Variants in OPCML observed in about 807,000 individuals in gnomAD.
OPCML encodes opioid-binding protein/cell adhesion molecule.
In OPCML, 13 loss-of-function variants were observed where a neutral mutation model predicts 37.8. The observed-to-expected ratio is 0.34, with a 90% CI of 0.22 to 0.55. The LOEUF (loss-of-function observed/expected upper bound fraction) is 0.55, where lower values mean the gene tolerates loss of function less well. OPCML is among the 20% of genes least tolerant of loss of function. OPCML has a pLI of 0.91. For synonymous variants in OPCML, 176 were observed against 168.8 expected (o/e 1.04, Z -0.33); for missense variants, 341 against 435.6 (o/e 0.78, Z 1.93).
intron 1 of OPCML, among the ~76,000 whole-genome samples, chr11:133,091,851 T>TTCTAAATGCATCA (rs780260421): frequency 2.2e-4 from 34 of 152,320 alleles, no homozygotes; most frequent in Non-Finnish European, 4.0e-4. Flanking sequence ...TTTGAGTTGA[T>TTCTAAATGCATCA]GCTGAAATGC....
At chr11:132,630,450 C>T (rs76868199) in intron 3 of OPCML, among the ~76,000 whole-genome samples, 2,305 of 152,178 alleles carry the variant, frequency 0.015, 55 homozygotes, top group African/African-American at 0.052. Context: ...CCCATTAAAA[C>T]TGTACTTCAA....
intron 1 of OPCML, among the ~76,000 whole-genome samples, chr11:133,207,043 T>G (rs1939097799): frequency 6.6e-6 from 1 of 150,752 alleles, no homozygotes; most frequent in Admixed American, 6.6e-5. Context: ...ATCCCAGCAC[T>G]TTGGGAGGCC....
At chr11:132,782,062 T>TAA (rs1489731835) in intron 2 of OPCML, among the ~76,000 whole-genome samples, 1 of 151,000 alleles carries the variant, frequency 6.6e-6, no homozygotes, top group African/African-American at 2.4e-5. Context: ...CTGCAGCCCC[T>TAA]CTCTTCCACT....
intron 1 of OPCML, among the ~76,000 whole-genome samples, chr11:133,083,390 C>G (rs1268862316): frequency 6.6e-6 from 1 of 152,172 alleles, no homozygotes; most frequent in Non-Finnish European, 1.5e-5. Flanking sequence ...TACTGGTGCC[C>G]CTGTCTCGGG....
intron 1 of OPCML, among the ~76,000 whole-genome samples, chr11:132,975,529 C>CAAAAAAAAAAAAAAAAAAAAAA (rs56882175): frequency 4.7e-5 from 2 of 42,766 alleles, no homozygotes; most frequent in Non-Finnish European, 8.5e-5. Flanking sequence ...AGGTTTCAAG[C>CAAAAAAAAAAAAAAAAAAAAAA]AAAAAAAAAA....
chr11:132,791,344 T>A (rs1350676816), intron 2 of OPCML, among the ~76,000 whole-genome samples: 1 of 152,192 alleles, frequency 6.6e-6, no homozygotes, highest in Non-Finnish European at 1.5e-5. Context: ...CCTAATGTTA[T>A]GAAAACAAAG....
intron 1 of OPCML, among the ~76,000 whole-genome samples, chr11:133,468,898 A>T (rs1947036374): frequency 1.2e-5 from 1 of 80,764 alleles, no homozygotes; most frequent in African/African-American, 1.0e-4. Context: ...TATGGAAAAA[A>T]ACAATTATTG....
intron 1 of OPCML, among the ~76,000 whole-genome samples, chr11:132,951,033 G>C (rs1945847852): frequency 6.6e-6 from 1 of 152,170 alleles, no homozygotes; most frequent in African/African-American, 2.4e-5. Flanking sequence ...CTGCGCTCTA[G>C]AGTGCAGCAG....
chr11:132,759,764 AT>A (rs1419070869), intron 2 of OPCML, among the ~76,000 whole-genome samples: 2 of 152,014 alleles, frequency 1.3e-5, no homozygotes, highest in Non-Finnish European at 2.9e-5. Context: ...GGATTCATTG[AT>A]TTTTTGAAGG....
At position 133,185,673 on chromosome 11, in the gene OPCML, G is replaced by A. The variant is rs1340910978; in HGVS notation, c.62-242663C>T. 2.0e-5 allele frequency among the ~76,000 whole-genome samples: 3 copies of A among 152,186 alleles called. No homozygotes were observed. In the East Asian group the frequency reaches 5.8e-4, roughly 29 times the overall value. On this transcript the variant is annotated intron_variant, in intron 1 of 7. Coordinates refer to ENST00000524381, the MANE Select transcript of OPCML (RefSeq NM_001012393.5). ...GAAAAATGGCATATTTTGGTTCTAAGGCTCCCATAGATATTTTATTTGAGA... is the reference window on the plus strand; with the variant it reads ...GAAAAATGGCATATTTTGGTTCTAAAGCTCCCATAGATATTTTATTTGAGA...
chr11:132,912,053 G>A (rs1423020000), intron 2 of OPCML, among the ~76,000 whole-genome samples: 1 of 152,028 alleles, frequency 6.6e-6, no homozygotes, highest in Non-Finnish European at 1.5e-5. Flanking sequence ...TAAGCTCTGG[G>A]ACCATTAGAA....
At position 132,441,175 on chromosome 11, in the gene OPCML, T is replaced by G. The variant is rs944482970; in HGVS notation, c.506-3816A>C. ...ACCAAGGACTTTTTTGTTTTTTTTT[T>G]TTTTTTTTTTGAGACGGAGTTTCGC... On this transcript the variant is annotated intron_variant, in intron 4 of 7. Transcript: ENST00000524381. Among the ~76,000 whole-genome samples the G allele has an allele frequency of 1.1e-4, 13 of 119,374 alleles. 1 individual carries two copies. The highest frequency in any genetic ancestry group is 1.8e-4 in the Non-Finnish European group (10 of 55,824). 78.3% of individuals were successfully genotyped at this position (119,374 alleles called of 152,430 possible).
intron 1 of OPCML, among the ~76,000 whole-genome samples, chr11:133,531,564 G>T (rs1948604541): frequency 6.6e-6 from 1 of 152,142 alleles, no homozygotes; most frequent in Non-Finnish European, 1.5e-5. Context: ...TGCCCATTTG[G>T]TGGAAGGATA....
intron 2 of OPCML, among the ~76,000 whole-genome samples, chr11:132,690,046 C>T (rs1943335692): frequency 6.6e-6 from 1 of 152,156 alleles, no homozygotes; most frequent in African/African-American, 2.4e-5. Flanking sequence ...ATCACACTGG[C>T]CCAAGGCTAA....
chr11:133,287,465 C>G (rs1316681662), intron 1 of OPCML, among the ~76,000 whole-genome samples: 1 of 150,008 alleles, frequency 6.7e-6, no homozygotes, highest in African/African-American at 2.5e-5. Context: ...TGATAGCCCC[C>G]TGAGGCTCAT....
At chr11:132,979,303 C>A (rs571142382) in intron 1 of OPCML, among the ~76,000 whole-genome samples, 1 of 152,210 alleles carries the variant, frequency 6.6e-6, no homozygotes, top group East Asian at 1.9e-4. Context: ...TCCCCTGGCC[C>A]CCTTTCACTC....
At chr11:133,176,406 A>G (rs911653566) in intron 1 of OPCML, among the ~76,000 whole-genome samples, 2 of 149,470 alleles carry the variant, frequency 1.3e-5, no homozygotes, top group Admixed American at 6.7e-5. Context: ...GGCAAGCAAT[A>G]TGGTTTGGAT....
intron 3 of OPCML, among the ~76,000 whole-genome samples, chr11:132,614,137 G>C (rs1209702758): frequency 1.3e-5 from 2 of 152,020 alleles, no homozygotes; most frequent in Non-Finnish European, 2.9e-5. Flanking sequence ...TAGGCCTACT[G>C]CCTTCTTCAA....
At chr11:133,275,555 C>T (rs1941969347) in intron 1 of OPCML, among the ~76,000 whole-genome samples, 1 of 152,082 alleles carries the variant, frequency 6.6e-6, no homozygotes, top group South Asian at 2.1e-4. Flanking sequence ...AACCACTGAC[C>T]TAGAGAATGT....
Sources: allele counts gnomAD v4.1 joint callset (sites outside exome capture counted in the v4.1 genomes callset), GRCh38; gene constraint gnomAD v4.1.1; transcripts MANE v1.5; gene names NCBI Gene and HGNC (gene_info 2026-07-23, HGNC 2026-07-21).